The following ULK4 variants were observed in gnomAD, a reference collection of about 807,000 sequenced individuals.
ULK4 encodes unc-51 like kinase 4, also known as inactive serine/threonine-protein kinase ULK4.
A neutral mutation model predicts 160.6 loss-of-function variants in ULK4; 133 were observed. The ratio of observed to expected loss-of-function variants is 0.83; its 90% CI spans 0.72 to 0.96. The LOEUF (loss-of-function observed/expected upper bound fraction) is 0.96, where lower values mean the gene tolerates loss of function less well. ULK4 is among the 40% of genes least tolerant of loss of function. The pLI is 0.00. For synonymous variants in ULK4, 534 were observed against 539.8 expected, an observed-to-expected ratio of 0.99 and a Z score of 0.15; for missense variants, 1,580 against 1,499.5, an observed-to-expected ratio of 1.05 and a Z score of -0.89.
intron 19 of ULK4, among the ~76,000 whole-genome samples, chr3:41,803,129 C>T (rs971518505): frequency 7.0e-6 from 1 of 143,332 alleles, no homozygotes; most frequent in African/African-American, 2.9e-5. Context: ...CAAGATCGCA[C>T]CACTGCACTC....
chr3:41,444,319 C>T (rs1268823036), intron 34 of ULK4, among the ~76,000 whole-genome samples: 1 of 151,334 alleles, frequency 6.6e-6, no homozygotes, highest in Non-Finnish European at 1.5e-5. Context: ...CTTTTGACCA[C>T]TTTTCTCTTG....
intron 34 of ULK4, among the ~76,000 whole-genome samples, chr3:41,406,864 A>G (rs545569019): frequency 2.6e-5 from 4 of 152,362 alleles, no homozygotes; most frequent in Admixed American, 1.3e-4. Flanking sequence ...GACACTAGAC[A>G]TAAGATAATG....
chr3:41,507,612 CAAAAAAAAAAAAAAAA>C (rs71075473), intron 32 of ULK4, among the ~76,000 whole-genome samples: 4 of 75,290 alleles, frequency 5.3e-5, no homozygotes, highest in African/African-American at 2.5e-4. Flanking sequence ...AAACCACCAC[CAAAAAAAAAAAAAAAA>C]AAAAAAAAAA....
At chr3:41,459,435 C>T (rs1490465800) in intron 33 of ULK4, among the ~76,000 whole-genome samples, 1 of 152,238 alleles carries the variant, frequency 6.6e-6, no homozygotes, top group Middle Eastern at 3.4e-3. Flanking sequence ...TGGTGCGGCT[C>T]GGATCAATTC....
chr3:41,705,872 C>T (rs972215772), intron 25 of ULK4, among the ~76,000 whole-genome samples: 1 of 152,118 alleles, frequency 6.6e-6, no homozygotes, highest in African/African-American at 2.4e-5. Flanking sequence ...ATAACCATGT[C>T]CAATAATACA....
At position 41,641,909 on chromosome 3, in the gene ULK4, C is replaced by T. The variant is rs190157839; in HGVS notation, c.3071+21698G>A. ...TTTTTCTTTGAGACGGAGTTTCACT[C>T]TTGCTGCCCAGGCTGGAGTGCAATG... On this transcript the variant is annotated intron_variant, in intron 30 of 36. Coordinates refer to ENST00000301831, the MANE Select transcript of ULK4 (RefSeq NM_017886.4). Among the ~76,000 whole-genome samples the T allele has an allele frequency of 1.1e-3, 154 of 140,450 alleles. 1 individual carries two copies. The East Asian group carries it at 0.029, about 27-fold the overall frequency. 92.1% of individuals were successfully genotyped at this position (140,450 alleles called of 152,430 possible).
intron 27 of ULK4, among the ~76,000 whole-genome samples, chr3:41,704,439 T>C (rs1293081493): frequency 1.3e-5 from 2 of 152,190 alleles, no homozygotes; most frequent in Admixed American, 6.5e-5. Flanking sequence ...CATAAGCTAA[T>C]TGTCTTCCTA....
intron 32 of ULK4, among the ~76,000 whole-genome samples, chr3:41,503,875 T>A (rs1479280820): frequency 6.6e-6 from 1 of 152,164 alleles, no homozygotes. Context: ...TGAAAAGAGC[T>A]AGAACTAGAA....
At chr3:41,659,119 G>A (rs954023821) in intron 30 of ULK4, among the ~76,000 whole-genome samples, 3 of 152,078 alleles carry the variant, frequency 2.0e-5, no homozygotes, top group Admixed American at 6.6e-5. Flanking sequence ...TTTATTTAAA[G>A]CTTACATGAC....
intron 35 of ULK4, among the ~76,000 whole-genome samples, chr3:41,372,784 A>G (rs1042117733): frequency 6.6e-6 from 1 of 152,224 alleles, no homozygotes; most frequent in Non-Finnish European, 1.5e-5. Flanking sequence ...AAATTCACAC[A>G]TAAAAATATT....
intron 34 of ULK4, among the ~76,000 whole-genome samples, chr3:41,420,840 G>C (rs894603152): frequency 2.7e-5 from 4 of 149,694 alleles, no homozygotes; most frequent in African/African-American, 9.8e-5. Context: ...CCGGCCAGAC[G>C]CGGTGGCTTG....
chr3:41,741,142 A>T (rs2038226420), intron 22 of ULK4, among the ~76,000 whole-genome samples: 1 of 151,842 alleles, frequency 6.6e-6, no homozygotes, highest in African/African-American at 2.4e-5. Flanking sequence ...TCTTCATTTT[A>T]TATATACATA....
intron 22 of ULK4, among the ~76,000 whole-genome samples, chr3:41,730,737 CAAAG>C (rs1203926847): frequency 6.6e-6 from 1 of 152,088 alleles, no homozygotes; most frequent in African/African-American, 2.4e-5. Context: ...AAATTGAAGA[CAAAG>C]AAGTCTTTCA....
chr3:41,649,423 C>T (rs901106830), intron 30 of ULK4, among the ~76,000 whole-genome samples: 3 of 152,234 alleles, frequency 2.0e-5, no homozygotes, highest in African/African-American at 7.2e-5. Context: ...CAGCTCCAGA[C>T]CCTGGCACCC....
intron 34 of ULK4, among the ~76,000 whole-genome samples, chr3:41,405,099 T>C (rs148560677): frequency 5.9e-5 from 9 of 152,226 alleles, no homozygotes; most frequent in African/African-American, 1.7e-4. Context: ...TAGCACTCAA[T>C]AGTTAGTTTT....
rs185528751 is a variant in ULK4 at position 41,623,509 on chromosome 3, T to G, written c.3072-7792A>C. 2.6e-5 allele frequency among the ~76,000 whole-genome samples: 4 copies of G among 152,314 alleles called. No homozygotes were observed. The East Asian group carries it at 5.8e-4, about 22-fold the overall frequency. On this transcript the variant is annotated intron_variant, in intron 30 of 36. Transcript: ENST00000301831. Reference sequence around the variant, plus strand: ...AATGAATAGAAAAAAATGCAGCATATGTACACAATGGAATACTCATCAGCC... The same window carrying G: ...AATGAATAGAAAAAAATGCAGCATAGGTACACAATGGAATACTCATCAGCC...
intron 32 of ULK4, among the ~76,000 whole-genome samples, chr3:41,485,102 T>C (rs2084477168): frequency 1.3e-5 from 2 of 152,320 alleles, no homozygotes; most frequent in Middle Eastern, 3.4e-3. Context: ...GCATATCCCT[T>C]CAACAACTCC....
chr3:41,422,791 A>C (rs2082690815), intron 34 of ULK4, among the ~76,000 whole-genome samples: 1 of 152,190 alleles, frequency 6.6e-6, no homozygotes, highest in Admixed American at 6.5e-5. Context: ...ACTAGTACTT[A>C]TAAAATAAAA....
intron 34 of ULK4, among the ~76,000 whole-genome samples, chr3:41,423,888 C>G (rs752432541): frequency 3.7e-4 from 57 of 152,194 alleles, no homozygotes; most frequent in Non-Finnish European, 6.6e-4. Context: ...AGAGATCCCC[C>G]TCATGAGCCA....
Sources: gnomAD v4.1 joint callset for allele counts (sites outside exome capture counted in the v4.1 genomes callset) on GRCh38, gnomAD v4.1.1 for gene constraint, MANE v1.5 for transcripts, NCBI Gene and HGNC (gene_info 2026-07-23, HGNC 2026-07-21) for gene names.